Variants in TFEC observed in about 807,000 individuals in gnomAD.
TFEC encodes transcription factor EC.
TFEC carries 31 observed loss-of-function variants against 41.6 expected under a neutral mutation model. The observed-to-expected ratio is 0.74, with a 90% CI of 0.56 to 1.01. The LOEUF is 1.01. Ranked by LOEUF, TFEC falls within the 50% of genes least tolerant of loss-of-function variation. The pLI, the probability that TFEC is intolerant of heterozygous loss-of-function variation, is 0.00. For missense variants in TFEC, 402 were observed against 404.1 expected (o/e 0.99, Z 0.04); for synonymous variants, 143 against 140.6 (o/e 1.02, Z -0.12).
At chr7:116,159,516 G>C (rs1177592866) in intron 1 of TFEC, among the ~76,000 whole-genome samples, 2 of 151,940 alleles carry the variant, frequency 1.3e-5, no homozygotes, top group African/African-American at 2.4e-5. Flanking sequence ...GTAACATTTA[G>C]AAGTCTCACA....
intron 3 of TFEC, among the ~76,000 whole-genome samples, chr7:115,957,307 T>C (rs997913912): frequency 4.0e-5 from 6 of 151,826 alleles, no homozygotes; most frequent in African/African-American, 1.4e-4. Flanking sequence ...ACTCTTCCCT[T>C]CCTGGAAGGC....
At chr7:116,089,657 C>A (rs1454685189) in intron 3 of TFEC, among the ~76,000 whole-genome samples, 1 of 151,764 alleles carries the variant, frequency 6.6e-6, no homozygotes, top group Non-Finnish European at 1.5e-5. Flanking sequence ...TTGCTTCCAC[C>A]CAAAATATAA....
intron 3 of TFEC, among the ~76,000 whole-genome samples, chr7:116,089,088 A>G (rs1461385941): frequency 1.3e-5 from 2 of 152,160 alleles, no homozygotes; most frequent in Non-Finnish European, 2.9e-5. Context: ...ATTATTACTT[A>G]GCATGTACTT....
At position 115,939,789 on chromosome 7, in the gene TFEC, T is replaced by C. The variant is rs1793397661; in HGVS notation, c.*762A>G. Reference sequence around the variant, plus strand: ...GTGCATATGTGTATGTGTATGTTTGTGTGAAGGGATACAATTCTGGTCCAT... The same window carrying C: ...GTGCATATGTGTATGTGTATGTTTGCGTGAAGGGATACAATTCTGGTCCAT... On this transcript the variant is annotated 3_prime_UTR_variant, in exon 8 of 8. Coordinates refer to ENST00000265440, the MANE Select transcript of TFEC (RefSeq NM_012252.4). The C allele has an allele frequency of 6.6e-6, 1 of 152,052 alleles. No homozygotes were observed. The highest frequency in any genetic ancestry group is 2.1e-4 in the South Asian group (1 of 4,828). 9.4% of individuals were successfully genotyped at this position (152,052 alleles called of 1,614,324 possible).
chr7:116,025,781 G>T (rs1168521956), intron 1 of TFEC, among the ~76,000 whole-genome samples: 1 of 152,184 alleles, frequency 6.6e-6, no homozygotes, highest in Non-Finnish European at 1.5e-5. Flanking sequence ...GTTTAAGAGA[G>T]AATTGCTGCA....
chr7:116,119,451 CAAGA>C (rs1279744210), intron 1 of TFEC, among the ~76,000 whole-genome samples: 2 of 151,182 alleles, frequency 1.3e-5, no homozygotes, highest in Non-Finnish European at 3.0e-5. Flanking sequence ...TGAGAAACAA[CAAGA>C]AAAATGAAAT....
intron 3 of TFEC, among the ~76,000 whole-genome samples, chr7:116,094,068 G>C (rs562186778): frequency 5.3e-5 from 8 of 152,224 alleles, no homozygotes; most frequent in African/African-American, 1.9e-4. Flanking sequence ...GACAAGTATA[G>C]AAACCACTGA....
intron 3 of TFEC, among the ~76,000 whole-genome samples, chr7:116,068,840 G>C (rs1350629511): frequency 6.6e-6 from 1 of 150,584 alleles, no homozygotes; most frequent in East Asian, 1.9e-4. Flanking sequence ...CTCATTTTTC[G>C]CTGTAACATC....
chr7:115,973,105 A>C (rs1793209569), intron 3 of TFEC, among the ~76,000 whole-genome samples: 1 of 151,572 alleles, frequency 6.6e-6, no homozygotes, highest in East Asian at 2.0e-4. Context: ...CTGAAAAAAA[A>C]TCCTGCAACA....
At chr7:115,940,952 C>A in intron 7 of TFEC, 21 bp from the exon 8 acceptor site, 2 of 1,542,542 alleles carry the variant, frequency 1.3e-6, no homozygotes, top group East Asian at 2.3e-5. Flanking sequence ...AAACGAAAAT[C>A]ATTAAATAAT....
chr7:116,002,686 G>C (rs1794643263), intron 1 of TFEC, among the ~76,000 whole-genome samples: 2 of 152,072 alleles, frequency 1.3e-5, no homozygotes. Context: ...TGGATTGTTT[G>C]TAACACAAGG....
At position 116,129,586 on chromosome 7, in the gene TFEC, C is replaced by CTTT. The variant is rs932837265; in HGVS notation, c.-68-17551_-68-17549dup. On this transcript the variant is annotated intron_variant, in intron 1 of 8. Transcript: ENST00000484212. ...TACCTTTGTATTCCCAATATTCTTA[C>CTTT]TTTTTTTTTTTTTTTTTTTTTTTTG... Among the ~76,000 whole-genome samples, 503 of 106,880 alleles carry CTTT rather than the reference C, an allele frequency of 4.7e-3. 24 individuals are homozygous for CTTT. The highest frequency in any genetic ancestry group is 0.018 in the African/African-American group (456 of 24,802). The allele number at this position is 106,880 out of a possible 152,430, so 70.1% of individuals were successfully genotyped here. A position where few individuals can be genotyped will look rare whatever the true frequency, so the allele number is the denominator to read the frequency against.
At chr7:115,953,431 A>C (rs537340433) in intron 5 of TFEC, among the ~76,000 whole-genome samples, 25 of 152,208 alleles carry the variant, frequency 1.6e-4, no homozygotes, top group African/African-American at 5.8e-4. Context: ...TCCAAAAGCA[A>C]GATGATGTAG....
At chr7:116,034,726 G>A (rs1290625440), upstream of TFEC, among the ~76,000 whole-genome samples, 1 of 151,248 alleles carries the variant, frequency 6.6e-6, no homozygotes, top group Non-Finnish European at 1.5e-5. Context: ...CAACCAGAGT[G>A]GTTCTCTTAA....
chr7:115,996,570 T>G (rs1401196676), intron 1 of TFEC, among the ~76,000 whole-genome samples: 1 of 151,792 alleles, frequency 6.6e-6, no homozygotes, highest in African/African-American at 2.4e-5. Flanking sequence ...TAAAGAAGAC[T>G]TTGTCTTGCA....
At chr7:116,065,363 T>C (rs1223609335) in intron 3 of TFEC, among the ~76,000 whole-genome samples, 1 of 152,166 alleles carries the variant, frequency 6.6e-6, no homozygotes, top group Admixed American at 6.6e-5. Flanking sequence ...AATCATGGTT[T>C]ACCTTATCAT....
intron 3 of TFEC, among the ~76,000 whole-genome samples, chr7:116,094,848 G>A (rs1025529437): frequency 6.6e-6 from 1 of 152,116 alleles, no homozygotes; most frequent in African/African-American, 2.4e-5. Context: ...AATAGCACCA[G>A]TATTATGGAA....
chr7:116,158,075 T>C (rs1368264367), intron 1 of TFEC, among the ~76,000 whole-genome samples: 4 of 152,188 alleles, frequency 2.6e-5, no homozygotes, highest in Non-Finnish European at 5.9e-5. Context: ...TGTTATTCTA[T>C]ATGCATTGAA....
Position 115,984,522 on chromosome 7 carries a change from T to C in TFEC, c.-72-9A>G. 6.2e-7 allele frequency: 1 copy of C among 1,612,840 alleles called. No individual in the cohort carries two copies. The highest frequency in any genetic ancestry group is 1.1e-5 in the South Asian group (1 of 91,036). On this transcript the variant is annotated splice_polypyrimidine_tract_variant and intron_variant, in intron 1 of 7. Coordinates refer to ENST00000265440, the MANE Select transcript of TFEC (RefSeq NM_012252.4). The stretch of plus-strand genomic sequence containing the variant: ...TCCAGGTGTGCTGGGACCTACAAGA[T>C]CAAAATTAAACAAATACAATGTGCA...
Sources: gnomAD v4.1 joint callset for allele counts (sites outside exome capture counted in the v4.1 genomes callset) on GRCh38, gnomAD v4.1.1 for gene constraint, MANE v1.5 for transcripts, NCBI Gene and HGNC (gene_info 2026-07-23, HGNC 2026-07-21) for gene names.